Variants in ADAMTS6 observed in about 807,000 individuals in gnomAD.
ADAMTS6 encodes the protein ADAM metallopeptidase with thrombospondin type 1 motif 6.
In ADAMTS6, 23 loss-of-function variants were observed where a neutral mutation model predicts 144.3. That is an observed-to-expected ratio of 0.16 (90% CI 0.11 to 0.23). The LOEUF (loss-of-function observed/expected upper bound fraction) is 0.23, where lower values mean the gene tolerates loss of function less well. ADAMTS6 is among the 10% of genes least tolerant of loss of function. The pLI is 1.00. For synonymous variants in ADAMTS6, 444 were observed against 457.5 expected, an observed-to-expected ratio of 0.97 and a Z score of 0.38; for missense variants, 999 against 1,379.6, an observed-to-expected ratio of 0.72 and a Z score of 4.37.
chr5:65,373,244 A>G (rs1480479858), intron 7 of ADAMTS6, among the ~76,000 whole-genome samples: 1 of 151,330 alleles, frequency 6.6e-6, no homozygotes, highest in East Asian at 1.9e-4. Context: ...AGAAGGCAAG[A>G]AATAACTAAA....
At chr5:65,415,446 G>A (rs1755425631) in intron 7 of ADAMTS6, 1 of 171,490 alleles carries the variant, frequency 5.8e-6, no homozygotes, top group African/African-American at 2.4e-5. Context: ...TGGCATCTGA[G>A]GCCAAGGTCA....
intron 14 of ADAMTS6, among the ~76,000 whole-genome samples, chr5:65,256,799 T>G (rs1015229087): frequency 4.6e-5 from 7 of 151,924 alleles, no homozygotes; most frequent in Non-Finnish European, 1.0e-4. Flanking sequence ...GAGAGGTGGG[T>G]TTGATTTTTT....
At chr5:65,398,857 A>G (rs1375010341) in intron 7 of ADAMTS6, among the ~76,000 whole-genome samples, 1 of 150,672 alleles carries the variant, frequency 6.6e-6, no homozygotes, top group African/African-American at 2.4e-5. Flanking sequence ...AGAAAAAGAA[A>G]GAGAAAGAAA....
In ADAMTS6 at chr5:65,224,047, G is replaced by A. The variant is rs551515806; in HGVS notation, c.2272+273C>T. Among the ~76,000 whole-genome samples the A allele has an allele frequency of 1.2e-4, 18 of 152,112 alleles. No homozygotes were observed. The South Asian group carries it at 2.1e-3, about 18-fold the overall frequency. Reference sequence around the variant, plus strand: ...GATCTCCTGACCTTGTGATCCACCCGCCTCGGCCTCCCAAAGTGCTGGGAT... The same window carrying A: ...GATCTCCTGACCTTGTGATCCACCCACCTCGGCCTCCCAAAGTGCTGGGAT... On this transcript the variant is annotated intron_variant, in intron 18 of 24. Coordinates refer to ENST00000381055, the MANE Select transcript of ADAMTS6 (RefSeq NM_197941.4).
At chr5:65,333,974 A>G in intron 8 of ADAMTS6, 68 bp downstream of exon 8, 3 of 1,317,962 alleles carry the variant, frequency 2.3e-6, no homozygotes, top group Non-Finnish European at 3.0e-6. Context: ...CCAAAAAGAC[A>G]ATCAGAACCA....
intron 4 of ADAMTS6, among the ~76,000 whole-genome samples, chr5:65,454,810 A>G (rs1462459901): frequency 6.6e-6 from 1 of 152,204 alleles, no homozygotes; most frequent in Non-Finnish European, 1.5e-5. Flanking sequence ...TGCCACAACT[A>G]TGGGGGTAGA....
At chr5:65,473,091 T>G (rs1760587893) in intron 2 of ADAMTS6, among the ~76,000 whole-genome samples, 1 of 152,122 alleles carries the variant, frequency 6.6e-6, no homozygotes, top group Non-Finnish European at 1.5e-5. Flanking sequence ...ATGTGAAAAG[T>G]TGCACTTCTT....
chr5:65,393,995 A>C (rs1276515747), intron 7 of ADAMTS6, among the ~76,000 whole-genome samples: 1 of 152,226 alleles, frequency 6.6e-6, no homozygotes, highest in African/African-American at 2.4e-5. Context: ...CAAAAGCTAT[A>C]TATGAAGTGA....
At position 65,248,620 on chromosome 5, in the gene ADAMTS6, G is replaced by A. The variant is rs144894615; in HGVS notation, c.1831-6414C>T. Among the ~76,000 whole-genome samples the A allele has an allele frequency of 3.0e-3, 428 of 143,950 alleles. 2 individuals carry two copies. The highest frequency in any genetic ancestry group is 0.011 in the African/African-American group (411 of 36,852). 94.4% of individuals were successfully genotyped at this position (143,950 alleles called of 152,430 possible). ...GTTTGAGACCAGCCTGGACAACATG[G>A]CAAAACCCTACAAAAAATACAAAAA... On this transcript the variant is annotated intron_variant, in intron 14 of 24. Transcript: ENST00000381055.
At chr5:65,170,866 T>A in intron 23 of ADAMTS6, 93 bp from the exon 24 acceptor site, 3 of 1,378,180 alleles carry the variant, frequency 2.2e-6, no homozygotes, top group South Asian at 2.9e-5. Flanking sequence ...CAACACAATA[T>A]GAACTTTTTT....
In ADAMTS6 at chr5:65,164,659, T is replaced by C. The variant is rs1280766866; in HGVS notation, c.3244+5958A>G. 8.7e-5 allele frequency among the ~76,000 whole-genome samples: 13 copies of C among 149,802 alleles called. No homozygotes were observed. The South Asian group carries it at 2.6e-3, about 30-fold the overall frequency. ...TGACAGCCTTGAAGAGAGCAGTGGT[T>C]CTCCCAGCACGCAGCTGGAGATCTG... On this transcript the variant is annotated intron_variant, in intron 24 of 24. Transcript: ENST00000381055.
intron 7 of ADAMTS6, among the ~76,000 whole-genome samples, chr5:65,431,695 A>C (rs1757013678): frequency 6.6e-6 from 1 of 152,142 alleles, no homozygotes; most frequent in Non-Finnish European, 1.5e-5. Flanking sequence ...TGTAACAGGC[A>C]AACATAATTG....
intron 21 of ADAMTS6, among the ~76,000 whole-genome samples, chr5:65,193,538 T>G (rs1755140308): frequency 6.6e-6 from 1 of 152,012 alleles, no homozygotes; most frequent in African/African-American, 2.4e-5. Context: ...TCAGGGCTTT[T>G]CCCCTATAAA....
intron 9 of ADAMTS6, among the ~76,000 whole-genome samples, chr5:65,320,552 CTCTT>C (rs1745511402): frequency 6.6e-6 from 1 of 150,918 alleles, no homozygotes; most frequent in Non-Finnish European, 1.5e-5. Flanking sequence ...TTTATTTTCT[CTCTT>C]TTTTTTTTTT....
At position 65,228,124 on chromosome 5, in the gene ADAMTS6, A is replaced by G. The variant is rs143018035; in HGVS notation, c.1934-1905T>C. 4.7e-3 allele frequency among the ~76,000 whole-genome samples: 719 copies of G among 152,326 alleles called. 2 individuals are homozygous for G. The highest frequency in any genetic ancestry group is 0.016 in the African/African-American group (675 of 41,580). Reference sequence around the variant, plus strand: ...TATTTTTATATGATTCTCATGAATTAAATTACCCAAAATGTCCATGAATCT... The same window carrying G: ...TATTTTTATATGATTCTCATGAATTGAATTACCCAAAATGTCCATGAATCT... On this transcript the variant is annotated intron_variant, in intron 15 of 24. Coordinates refer to ENST00000381055, the MANE Select transcript of ADAMTS6 (RefSeq NM_197941.4).
chr5:65,312,656 C>T (rs1390124058), intron 9 of ADAMTS6, among the ~76,000 whole-genome samples: 3 of 151,978 alleles, frequency 2.0e-5, no homozygotes, highest in African/African-American at 7.2e-5. Flanking sequence ...CTCCCCATAC[C>T]ATACACAATA....
chr5:65,191,146 A>C (rs4700077), intron 21 of ADAMTS6, among the ~76,000 whole-genome samples: 28,957 of 151,918 alleles, frequency 0.19, 2,922 homozygotes, highest in Middle Eastern at 0.24. Context: ...TTCCCAATAC[A>C]CAAATTGTCT....
intron 12 of ADAMTS6, 71 bp from the exon 13 acceptor site, chr5:65,263,033 G>C (rs2112604315): frequency 6.3e-7 from 1 of 1,595,012 alleles, no homozygotes; most frequent in Middle Eastern, 1.7e-4. Context: ...AAATACATAA[G>C]GGTCAGGTAC....
intron 9 of ADAMTS6, among the ~76,000 whole-genome samples, chr5:65,301,591 G>A (rs1057072870): frequency 1.3e-5 from 2 of 152,150 alleles, no homozygotes; most frequent in African/African-American, 2.4e-5. Flanking sequence ...AGTAATTATA[G>A]TAACTCCATG....
Sources: gnomAD v4.1 joint callset for allele counts (sites outside exome capture counted in the v4.1 genomes callset) on GRCh38, gnomAD v4.1.1 for gene constraint, MANE v1.5 for transcripts, NCBI Gene and HGNC (gene_info 2026-07-23, HGNC 2026-07-21) for gene names.